Variants in TGFBR1 observed in about 807,000 individuals in gnomAD.
TGFBR1 encodes transforming growth factor beta receptor 1, also known as TGF-beta receptor type-1.
TGFBR1 carries 20 observed loss-of-function variants against 55.1 expected under a neutral mutation model. The observed-to-expected ratio is 0.36, with a 90% CI of 0.26 to 0.53. The LOEUF (loss-of-function observed/expected upper bound fraction) is 0.53, where lower values mean the gene tolerates loss of function less well. Ranked by LOEUF, TGFBR1 falls within the 20% of genes least tolerant of loss-of-function variation. The pLI, the probability that TGFBR1 is intolerant of heterozygous loss-of-function variation, is 0.91. For missense variants in TGFBR1, 385 were observed against 617.6 expected (o/e 0.62, Z 3.99); for synonymous variants, 220 against 214.8 (o/e 1.02, Z -0.21).
chr9:99,125,667 T>G (rs1056131025), intron 1 of TGFBR1, among the ~76,000 whole-genome samples: 1 of 152,200 alleles, frequency 6.6e-6, no homozygotes, highest in Non-Finnish European at 1.5e-5. Flanking sequence ...ACATTTGGCC[T>G]GAAGGGGATC....
At chr9:99,111,645 C>CA (rs376368348) in intron 1 of TGFBR1, among the ~76,000 whole-genome samples, 25 of 151,836 alleles carry the variant, frequency 1.6e-4, no homozygotes, top group African/African-American at 4.1e-4. Context: ...AACAAACAAA[C>CA]AAAAAAACAG....
chr9:99,116,445 C>G (rs1052092117), intron 1 of TGFBR1, among the ~76,000 whole-genome samples: 2 of 152,192 alleles, frequency 1.3e-5, no homozygotes, highest in African/African-American at 2.4e-5. Flanking sequence ...TCTGATTTAG[C>G]TTAGTCTCTG....
At chr9:99,116,068 T>C (rs2118364990) in intron 1 of TGFBR1, among the ~76,000 whole-genome samples, 1 of 152,232 alleles carries the variant, frequency 6.6e-6, no homozygotes. Context: ...CATGGTGCAT[T>C]GTCCTTTTGT....
intron 4 of TGFBR1, among the ~76,000 whole-genome samples, chr9:99,141,799 A>G (rs995051537): frequency 1.3e-5 from 2 of 152,150 alleles, no homozygotes; most frequent in African/African-American, 4.8e-5. Flanking sequence ...CATTATTCCT[A>G]TGAGAAAACA....
At chr9:99,109,148 C>T (rs1826492828) in intron 1 of TGFBR1, among the ~76,000 whole-genome samples, 1 of 151,902 alleles carries the variant, frequency 6.6e-6, no homozygotes, top group Non-Finnish European at 1.5e-5. Context: ...TTGAACTTCA[C>T]AGAATTTATG....
intron 4 of TGFBR1, among the ~76,000 whole-genome samples, chr9:99,141,265 GT>G (rs1827608786): frequency 1.3e-5 from 2 of 152,222 alleles, no homozygotes; most frequent in Admixed American, 6.5e-5. Flanking sequence ...GTCAGAATCA[GT>G]TTATAAAGTT....
At chr9:99,132,854 T>C in intron 3 of TGFBR1, 115 bp downstream of exon 3, 1 of 1,389,818 alleles carries the variant, frequency 7.2e-7, no homozygotes, top group African/African-American at 1.4e-5. Flanking sequence ...ATAAATAATA[T>C]TGCAGGTTTG....
In TGFBR1 at chr9:99,147,755, A is replaced by G. The variant is rs1827844869; in HGVS notation, c.1357A>G (p.Asn453Asp). Residue 453 changes from asparagine (N) to aspartate (D), a missense_variant, in exon 8 of 9, where the codon AAT becomes GAT. Coordinates refer to ENST00000374994, the MANE Select transcript of TGFBR1 (RefSeq NM_004612.4). Reference protein sequence around the residue: ...KVVCEQKLRPNIPNRWQSCEA... With the variant: ...KVVCEQKLRPDIPNRWQSCEA... The stretch of plus-strand genomic sequence containing the variant: ...TGTTTGTGAACAGAAGTTAAGGCCA[A>G]ATATCCCAAACAGATGGCAGAGCTG... 3.1e-6 allele frequency: 5 copies of G among 1,613,762 alleles called. No individual in the cohort carries two copies. Among genetic ancestry groups the G allele is most frequent in the African/African-American group, 1.3e-5 (1 of 74,910 alleles).
chr9:99,134,851 TA>T (rs1827384172), intron 3 of TGFBR1, among the ~76,000 whole-genome samples: 2 of 120,018 alleles, frequency 1.7e-5, no homozygotes, highest in African/African-American at 6.0e-5. Context: ...TATATATATA[TA>T]TTTCTAGATC....
chr9:99,128,913 G>T lies in TGFBR1; in HGVS notation c.156G>T (p.Gly52=), dbSNP rs761368421. Residue 52 remains glycine (G), a synonymous_variant, in exon 2 of 9, where the codon GGG becomes GGT. Coordinates refer to ENST00000374994, the MANE Select transcript of TGFBR1 (RefSeq NM_004612.4). ...TKDNFTCVTD[G]LCFVSVTETT... is the part of the protein sequence containing the mutation. Reference sequence around the variant, plus strand: ...ACAATTTTACTTGTGTGACAGATGGGCTCTGCTTTGTCTCTGTCACAGAGA... The same window carrying T: ...ACAATTTTACTTGTGTGACAGATGGTCTCTGCTTTGTCTCTGTCACAGAGA... 1.2e-6 allele frequency: 2 copies of T among 1,613,710 alleles called. No individual in the cohort carries two copies. Among genetic ancestry groups the T allele is most frequent in the African/African-American group, 2.7e-5 (2 of 74,866 alleles).
chr9:99,149,396 G>A lies in TGFBR1; in HGVS notation c.*91G>A. 3.2e-6 allele frequency: 5 copies of A among 1,543,402 alleles called. No individual in the cohort carries two copies. The highest frequency in any genetic ancestry group is 4.5e-6 in the Non-Finnish European group (5 of 1,118,356). ...TCAATTGTTCTACCTCACTGAGAGG[G>A]AACAGAAGGATATTGCTTCCTTTTG... On this transcript the variant is annotated 3_prime_UTR_variant, in exon 9 of 9. Transcript: ENST00000374994.
chr9:99,144,523 A>G (rs947803514), intron 5 of TGFBR1, among the ~76,000 whole-genome samples: 5 of 152,140 alleles, frequency 3.3e-5, no homozygotes, highest in Non-Finnish European at 7.4e-5. Context: ...AAAGCATGTT[A>G]TTGTCCACAT....
chr9:99,128,736 C>T, intron 1 of TGFBR1, 119 bp from the exon 2 acceptor site: 1 of 1,357,108 alleles, frequency 7.4e-7, no homozygotes, highest in Non-Finnish European at 1.0e-6. Flanking sequence ...CTAAGAGCAA[C>T]AAACAGTGCA....
rs1168408059 is a variant in TGFBR1, at chr9:99,152,660, C to T, written c.*3355C>T. 4.4e-6 allele frequency: 1 copy of T among 226,956 alleles called. No individual in the cohort carries two copies. The highest frequency in any genetic ancestry group is 8.8e-6 in the Non-Finnish European group (1 of 114,178). The allele number at this position is 226,956 out of a possible 1,614,324, so 14.1% of individuals were successfully genotyped here. A position where few individuals can be genotyped will look rare whatever the true frequency, so the allele number is the denominator to read the frequency against. On this transcript the variant is annotated 3_prime_UTR_variant, in exon 9 of 9. Transcript: ENST00000374994. ...CATCAAAAGCTTATTTTTATTCTTG[C>T]ACTGGAAGAATCGTAAGTCAACTGT... is the stretch of plus-strand genomic sequence containing the variant.
Position 99,149,342 on chromosome 9 carries a change from G to T in TGFBR1, c.*37G>T, listed in dbSNP as rs769785618. 1.9e-6 allele frequency: 3 copies of T among 1,612,316 alleles called. No homozygotes were observed. Among genetic ancestry groups the T allele is most frequent in the Non-Finnish European group, 2.5e-6 (3 of 1,178,888 alleles). On this transcript the variant is annotated 3_prime_UTR_variant, in exon 9 of 9. Coordinates refer to ENST00000374994, the MANE Select transcript of TGFBR1 (RefSeq NM_004612.4). ...TGCCTGAACTCTCCTTTTTTCTTCAGATCTGCTCCTGGGTTTTAATTTGGG... is the reference window on the plus strand; with the variant it reads ...TGCCTGAACTCTCCTTTTTTCTTCATATCTGCTCCTGGGTTTTAATTTGGG...
intron 1 of TGFBR1, among the ~76,000 whole-genome samples, chr9:99,116,245 C>T (rs573576841): frequency 6.6e-6 from 1 of 150,776 alleles, no homozygotes; most frequent in Admixed American, 6.6e-5. Context: ...TTGTCAGATC[C>T]AGCCTGCTCT....
intron 1 of TGFBR1, among the ~76,000 whole-genome samples, chr9:99,116,313 G>A (rs895026814): frequency 6.6e-6 from 1 of 152,150 alleles, no homozygotes; most frequent in Non-Finnish European, 1.5e-5. Flanking sequence ...TTAGGCATCA[G>A]GCAGAAGTCT....
intron 1 of TGFBR1, among the ~76,000 whole-genome samples, chr9:99,114,188 A>G (rs930952988): frequency 1.3e-5 from 2 of 152,230 alleles, no homozygotes; most frequent in African/African-American, 4.8e-5. Context: ...GCTTGAAATA[A>G]TAGCAAATTC....
At chr9:99,111,152 T>A (rs1826558655) in intron 1 of TGFBR1, among the ~76,000 whole-genome samples, 1 of 152,222 alleles carries the variant, frequency 6.6e-6, no homozygotes, top group Non-Finnish European at 1.5e-5. Context: ...GATCACTTAC[T>A]ATTTGTATTG....
Sources: gnomAD v4.1 joint callset for allele counts (sites outside exome capture counted in the v4.1 genomes callset) on GRCh38, gnomAD v4.1.1 for gene constraint, MANE v1.5 for transcripts, NCBI Gene and HGNC (gene_info 2026-07-23, HGNC 2026-07-21) for gene names.